Variants in CNGB3 observed in about 807,000 individuals in gnomAD.
The protein encoded by CNGB3 is cyclic nucleotide gated channel subunit beta 3.
A neutral mutation model predicts 92.8 loss-of-function variants in CNGB3; 86 were observed. The ratio of observed to expected loss-of-function variants is 0.93; its 90% CI spans 0.78 to 1.11. CNGB3 has a LOEUF of 1.11. Among genes scored for constraint, CNGB3 ranks in the 50% least tolerant of loss-of-function variants. The pLI, the probability that CNGB3 is intolerant of heterozygous loss-of-function variation, is 0.00. For synonymous variants in CNGB3, 333 were observed against 332.7 expected, an observed-to-expected ratio of 1.00 and a Z score of -0.01; for missense variants, 1,026 against 956.8, an observed-to-expected ratio of 1.07 and a Z score of -0.95.
chr8:86,595,823 A>G (rs1285976653), intron 15 of CNGB3, among the ~76,000 whole-genome samples: 1 of 152,238 alleles, frequency 6.6e-6, no homozygotes, highest in Non-Finnish European at 1.5e-5. Flanking sequence ...GAAATAGACA[A>G]TAATGATTTA....
chr8:86,656,595 C>G (rs1211224602), intron 6 of CNGB3, among the ~76,000 whole-genome samples: 1 of 152,122 alleles, frequency 6.6e-6, no homozygotes, highest in African/African-American at 2.4e-5. Flanking sequence ...GACATTTCTT[C>G]AGGGGAGGCT....
At chr8:86,690,706 A>T (rs62525673) in intron 3 of CNGB3, among the ~76,000 whole-genome samples, 103,821 of 151,134 alleles carry the variant, frequency 0.69, 36,423 homozygotes, top group African/African-American at 0.83. Flanking sequence ...AACATGTAAG[A>T]CTTTAATCCA....
chr8:86,611,293 A>C (rs1271105224), intron 14 of CNGB3, among the ~76,000 whole-genome samples: 1 of 152,102 alleles, frequency 6.6e-6, no homozygotes, highest in Non-Finnish European at 1.5e-5. Flanking sequence ...TTTTTCCTCC[A>C]CTTTAAATAT....
intron 15 of CNGB3, among the ~76,000 whole-genome samples, chr8:86,582,356 T>C (rs1003844573): frequency 2.0e-5 from 3 of 149,582 alleles, no homozygotes; most frequent in African/African-American, 7.4e-5. Flanking sequence ...ATTGCACCAC[T>C]GCACTCCAGC....
chr8:86,622,414 G>A lies in CNGB3; in HGVS notation c.1578+3569C>T, dbSNP rs7842519. Among the ~76,000 whole-genome samples, 866 of 142,834 alleles carry A rather than the reference G, an allele frequency of 6.1e-3. 10 individuals carry two copies. Among genetic ancestry groups the A allele is most frequent in the African/African-American group, 0.018 (704 of 38,270 alleles). The allele number at this position is 142,834 out of a possible 152,430, so 93.7% of individuals were successfully genotyped here. On this transcript the variant is annotated intron_variant, in intron 13 of 17. Transcript: ENST00000320005. ...TTTTGAAAATGGAGTAATAATTTAC[G>A]TAAAATGAAATATACAGATCTTAAG...
At chr8:86,614,897 C>A (rs1308616802) in intron 13 of CNGB3, among the ~76,000 whole-genome samples, 1 of 152,126 alleles carries the variant, frequency 6.6e-6, no homozygotes, top group African/African-American at 2.4e-5. Context: ...AACCCAAGAC[C>A]AAATGAGAGG....
intron 13 of CNGB3, 87 bp downstream of exon 13, chr8:86,625,895 CA>C (rs1422939529): frequency 2.8e-6 from 3 of 1,086,432 alleles, no homozygotes; most frequent in Middle Eastern, 2.0e-4. Context: ...AAACATAAGG[CA>C]AAAAAACTCA....
chr8:86,739,383 G>A (rs886779830), intron 2 of CNGB3, among the ~76,000 whole-genome samples: 1 of 152,156 alleles, frequency 6.6e-6, no homozygotes, highest in African/African-American at 2.4e-5. Flanking sequence ...TGTAACCTCA[G>A]ACTCTGCCCA....
intron 15 of CNGB3, among the ~76,000 whole-genome samples, chr8:86,591,598 C>A (rs200929479): frequency 2.0e-5 from 3 of 152,036 alleles, no homozygotes; most frequent in South Asian, 2.1e-4. Context: ...AGTACCCTGC[C>A]GTGTGAGGTG....
At chr8:86,711,081 T>G (rs1255938045) in intron 3 of CNGB3, among the ~76,000 whole-genome samples, 2 of 152,200 alleles carry the variant, frequency 1.3e-5, no homozygotes, top group Non-Finnish European at 2.9e-5. Context: ...TTCTAGATAT[T>G]GGAGGTTTTT....
intron 3 of CNGB3, among the ~76,000 whole-genome samples, chr8:86,678,351 C>G (rs1411513995): frequency 6.6e-6 from 1 of 152,176 alleles, no homozygotes; most frequent in Non-Finnish European, 1.5e-5. Flanking sequence ...ATAGATATAA[C>G]TCAACCAAGT....
At chr8:86,693,421 T>A (rs1441183090) in intron 3 of CNGB3, among the ~76,000 whole-genome samples, 42 of 128,624 alleles carry the variant, frequency 3.3e-4, no homozygotes, top group African/African-American at 1.2e-3. Context: ...TCATTTTTTT[T>A]TATTATTATT....
At chr8:86,616,209 GAT>G (rs1822619425) in intron 13 of CNGB3, among the ~76,000 whole-genome samples, 1 of 152,102 alleles carries the variant, frequency 6.6e-6, no homozygotes. Flanking sequence ...AACATACTTG[GAT>G]AGCACATGGA....
chr8:86,679,834 T>C (rs1238161994), intron 3 of CNGB3, among the ~76,000 whole-genome samples: 1 of 152,154 alleles, frequency 6.6e-6, no homozygotes, highest in African/African-American at 2.4e-5. Flanking sequence ...CCAGGATTGG[T>C]GTCCTTATAA....
Position 86,625,271 on chromosome 8 carries a change from GAGTA to G in CNGB3, c.1578+708_1578+711del, listed in dbSNP as rs915808224. On this transcript the variant is annotated intron_variant, in intron 13 of 17. Coordinates refer to ENST00000320005, the MANE Select transcript of CNGB3 (RefSeq NM_019098.5). ...TTCTTCTGGAATTTAAGCTCCACTT[GAGTA>G]AGTATTTGTTTTCAGCTATTATATT... Among the ~76,000 whole-genome samples, 68 of 152,196 alleles carry G rather than the reference GAGTA, an allele frequency of 4.5e-4. 1 individual carries two copies. The highest frequency in any genetic ancestry group is 1.6e-3 in the African/African-American group (67 of 41,530).
intron 8 of CNGB3, among the ~76,000 whole-genome samples, chr8:86,645,433 T>A (rs1347935472): frequency 6.6e-6 from 1 of 151,270 alleles, no homozygotes; most frequent in African/African-American, 2.4e-5. Context: ...TGGAAAAGTC[T>A]CTTGCTATTT....
chr8:86,673,421 G>A (rs1823904169), intron 3 of CNGB3, among the ~76,000 whole-genome samples: 1 of 152,154 alleles, frequency 6.6e-6, no homozygotes, highest in Non-Finnish European at 1.5e-5. Flanking sequence ...ATATGTGTGT[G>A]TGTGTAGGGG....
At chr8:86,678,513 A>C (rs1824018167) in intron 3 of CNGB3, among the ~76,000 whole-genome samples, 2 of 152,158 alleles carry the variant, frequency 1.3e-5, no homozygotes, top group Admixed American at 6.5e-5. Context: ...ACAATTTCCT[A>C]ACCTAAGTGA....
intron 14 of CNGB3, among the ~76,000 whole-genome samples, chr8:86,611,158 A>T (rs1349607984): frequency 1.3e-5 from 2 of 152,182 alleles, no homozygotes; most frequent in Non-Finnish European, 2.9e-5. Flanking sequence ...TTGTAATCAT[A>T]AAAAGCACAG....
Sources: allele counts gnomAD v4.1 joint callset (sites outside exome capture counted in the v4.1 genomes callset), GRCh38; gene constraint gnomAD v4.1.1; transcripts MANE v1.5; gene names NCBI Gene and HGNC (gene_info 2026-07-23, HGNC 2026-07-21).